Variants in LASP1 observed in about 807,000 individuals in gnomAD.
LASP1 encodes LIM and SH3 domain protein 1.
A neutral mutation model predicts 38.6 loss-of-function variants in LASP1; 10 were observed. The observed-to-expected ratio is 0.26, with a 90% CI of 0.16 to 0.44. The LOEUF (loss-of-function observed/expected upper bound fraction) is 0.44, where lower values mean the gene tolerates loss of function less well. Ranked by LOEUF, LASP1 falls within the 20% of genes least tolerant of loss-of-function variation. The pLI is 1.00. For missense variants in LASP1, 243 were observed against 375.7 expected, an observed-to-expected ratio of 0.65 and a Z score of 2.92; for synonymous variants, 132 against 140.8, an observed-to-expected ratio of 0.94 and a Z score of 0.44.
intron 1 of LASP1, among the ~76,000 whole-genome samples, chr17:38,872,302 C>T (rs1913633236): frequency 6.6e-6 from 1 of 152,160 alleles, no homozygotes; most frequent in Admixed American, 6.5e-5. Context: ...ACACCACTCC[C>T]CTTGGAAAGA....
intron 2 of LASP1, among the ~76,000 whole-genome samples, chr17:38,882,191 G>C (rs59574343): frequency 0.026 from 3,965 of 152,346 alleles, 186 homozygotes; most frequent in African/African-American, 0.091. Flanking sequence ...GCAAGGTTGA[G>C]GGTGCACTCC....
chr17:38,913,162 G>A (rs1287140178), intron 4 of LASP1, among the ~76,000 whole-genome samples: 1 of 152,194 alleles, frequency 6.6e-6, no homozygotes, highest in East Asian at 1.9e-4. Flanking sequence ...CTGGGTGGTG[G>A]TGGTCAAGGT....
intron 1 of LASP1, among the ~76,000 whole-genome samples, chr17:38,877,147 C>G (rs890351641): frequency 6.6e-6 from 1 of 152,248 alleles, no homozygotes; most frequent in Admixed American, 6.5e-5. Flanking sequence ...CACCTGACAT[C>G]TGAGTGCTCA....
chr17:38,875,001 G>A (rs1445552142), intron 1 of LASP1, among the ~76,000 whole-genome samples: 1 of 151,856 alleles, frequency 6.6e-6, no homozygotes, highest in Non-Finnish European at 1.5e-5. Context: ...TCTCCCCAAC[G>A]TCAATCAGGA....
At chr17:38,885,667 G>C (rs992646112) in intron 2 of LASP1, among the ~76,000 whole-genome samples, 1 of 152,202 alleles carries the variant, frequency 6.6e-6, no homozygotes, top group South Asian at 2.1e-4. Flanking sequence ...CCTCGCCATG[G>C]CCCAGTCTGT....
chr17:38,898,542 G>A lies in LASP1; in HGVS notation c.357+23G>A, dbSNP rs769032251. The A allele has an allele frequency of 2.4e-5, 36 of 1,498,448 alleles. No individual in the cohort carries two copies. In the South Asian group the frequency reaches 3.4e-4, roughly 14 times the overall value. 92.8% of individuals were successfully genotyped at this position (1,498,448 alleles called of 1,614,324 possible). On this transcript the variant is annotated intron_variant, in intron 4 of 6. Coordinates refer to ENST00000318008, the MANE Select transcript of LASP1 (RefSeq NM_006148.4). ...AACGTGAGCTCTTGCCCTGCCCTGC[G>A]GCATCCCTGCTGCCCTCTGTTTGGT...
intron 3 of LASP1, among the ~76,000 whole-genome samples, chr17:38,897,880 C>A (rs973522273): frequency 2.6e-5 from 4 of 152,216 alleles, no homozygotes; most frequent in Non-Finnish European, 5.9e-5. Context: ...AAAGCTCCCC[C>A]AGGCGTAGTG....
At chr17:38,888,284 CTT>C (rs112476804) in intron 2 of LASP1, among the ~76,000 whole-genome samples, 4 of 144,002 alleles carry the variant, frequency 2.8e-5, no homozygotes, top group South Asian at 2.2e-4. Flanking sequence ...CCTGGCGTGA[CTT>C]TTTTTTTTTT....
At chr17:38,909,872 C>G (rs1253332466) in intron 4 of LASP1, among the ~76,000 whole-genome samples, 1 of 152,088 alleles carries the variant, frequency 6.6e-6, no homozygotes, top group Non-Finnish European at 1.5e-5. Flanking sequence ...CTCGGCTTCC[C>G]AAGTAGCTGG....
At chr17:38,905,034 G>A (rs1914737674) in intron 4 of LASP1, among the ~76,000 whole-genome samples, 1 of 152,128 alleles carries the variant, frequency 6.6e-6, no homozygotes, top group Non-Finnish European at 1.5e-5. Flanking sequence ...ACACACCATT[G>A]GGTTTAAAGA....
At chr17:38,899,438 C>A (rs930033284) in intron 4 of LASP1, among the ~76,000 whole-genome samples, 1 of 152,140 alleles carries the variant, frequency 6.6e-6, no homozygotes, top group Non-Finnish European at 1.5e-5. Flanking sequence ...TCAGCACCCA[C>A]TCCCTGGGCT....
At chr17:38,870,437 T>C (rs1032121168) in intron 1 of LASP1, among the ~76,000 whole-genome samples, 179 bp downstream of exon 1, 8 of 152,016 alleles carry the variant, frequency 5.3e-5, no homozygotes, top group Non-Finnish European at 8.8e-5. Context: ...CCAGGAGATC[T>C]GGGGCGAGGC....
At chr17:38,876,477 C>T (rs1406905709) in intron 1 of LASP1, among the ~76,000 whole-genome samples, 1 of 152,122 alleles carries the variant, frequency 6.6e-6, no homozygotes, top group Non-Finnish European at 1.5e-5. Context: ...TCTCCTGCCT[C>T]AGCCTCCCGA....
intron 2 of LASP1, among the ~76,000 whole-genome samples, chr17:38,889,476 CCA>C (rs1163920270): frequency 6.6e-6 from 1 of 152,130 alleles, no homozygotes. Flanking sequence ...ATCCAAAAAT[CCA>C]GAGTCTGAAG....
At chr17:38,915,383 G>T in intron 6 of LASP1, 2 of 392,720 alleles carry the variant, frequency 5.1e-6, no homozygotes, top group Non-Finnish European at 4.7e-6. Flanking sequence ...ACCCTGCTTT[G>T]GGTGGGGTTT....
chr17:38,920,701 G>A lies in LASP1; in HGVS notation c.*1923G>A, dbSNP rs1261604189. ...AGGTTGAGGAAAAGACTGTGGGTGGGGAGGCCCTGCCTGACCCATCCCTTT... is the reference window on the plus strand; with the variant it reads ...AGGTTGAGGAAAAGACTGTGGGTGGAGAGGCCCTGCCTGACCCATCCCTTT... On this transcript the variant is annotated 3_prime_UTR_variant, in exon 7 of 7. Transcript: ENST00000318008. 4.3e-6 allele frequency: 1 copy of A among 234,014 alleles called. No homozygotes were observed. The highest frequency in any genetic ancestry group is 6.0e-5 in the East Asian group (1 of 16,556). The allele number at this position is 234,014 out of a possible 1,614,324, so 14.5% of individuals were successfully genotyped here. A position where few individuals can be genotyped will look rare whatever the true frequency, so the allele number is the denominator to read the frequency against.
intron 3 of LASP1, among the ~76,000 whole-genome samples, chr17:38,891,337 A>G (rs1914317812): frequency 6.6e-6 from 1 of 152,080 alleles, no homozygotes; most frequent in African/African-American, 2.4e-5. Flanking sequence ...CGGGCCACAG[A>G]GGGGATCTCT....
chr17:38,912,300 C>G (rs567189428), intron 4 of LASP1, among the ~76,000 whole-genome samples: 1 of 152,344 alleles, frequency 6.6e-6, no homozygotes, highest in African/African-American at 2.4e-5. Context: ...AAGTGTGGGC[C>G]TTACGCCGCA....
At chr17:38,885,727 G>T (rs972207487) in intron 2 of LASP1, among the ~76,000 whole-genome samples, 1 of 152,176 alleles carries the variant, frequency 6.6e-6, no homozygotes, top group Non-Finnish European at 1.5e-5. Context: ...GTGGCCCCTG[G>T]TCTGTCTTAG....
Sources: gnomAD v4.1 joint callset for allele counts (sites outside exome capture counted in the v4.1 genomes callset) on GRCh38, gnomAD v4.1.1 for gene constraint, MANE v1.5 for transcripts, NCBI Gene and HGNC (gene_info 2026-07-23, HGNC 2026-07-21) for gene names.